The following CYB561D2 variants were observed in gnomAD, a reference collection of about 807,000 sequenced individuals.
CYB561D2 encodes transmembrane reductase CYB561D2.
Under a neutral mutation model 20.2 loss-of-function variants are expected in CYB561D2, and 16 were observed. The observed-to-expected ratio is 0.79, with a 90% CI of 0.53 to 1.20. The LOEUF is 1.20. Ranked by LOEUF, CYB561D2 falls within the 50% of genes most tolerant of loss-of-function variation. CYB561D2 has a pLI of 0.00. For synonymous variants in CYB561D2, 135 were observed against 128.3 expected, an observed-to-expected ratio of 1.05 and a Z score of -0.35; for missense variants, 247 against 270.3, an observed-to-expected ratio of 0.91 and a Z score of 0.60.
intron 3 of CYB561D2, among the ~76,000 whole-genome samples, chr3:50,353,002 G>A (rs756936059): frequency 2.0e-5 from 3 of 152,152 alleles, no homozygotes; most frequent in South Asian, 2.1e-4. Context: ...GGTAACATAC[G>A]ACAGATGACA....
chr3:50,351,983 C>T, intron 2 of CYB561D2, 26 bp from the exon 3 acceptor site: 1 of 1,613,798 alleles, frequency 6.2e-7, no homozygotes, highest in Non-Finnish European at 8.5e-7. Flanking sequence ...GCCTCAGCCC[C>T]ATGAGGCCTC....
At chr3:50,351,715 A>G (rs940598264) in intron 2 of CYB561D2, among the ~76,000 whole-genome samples, 155 bp downstream of exon 2, 2 of 152,228 alleles carry the variant, frequency 1.3e-5, no homozygotes, top group Admixed American at 1.3e-4. Context: ...GCCAGGGCAC[A>G]CAGAATTCCT....
At position 50,353,872 on chromosome 3, in the gene CYB561D2, C is replaced by T; in HGVS notation, c.*128C>T. On this transcript the variant is annotated 3_prime_UTR_variant, in exon 4 of 4. Coordinates refer to ENST00000425346, the MANE Select transcript of CYB561D2 (RefSeq NM_001291284.2). ...ACTGGGACAGTTGGGCATTTGGAGG[C>T]CCGTGTGTGAATTCCTGCTCCTCAT... 1.8e-6 allele frequency: 2 copies of T among 1,122,066 alleles called. No individual in the cohort carries two copies. Among genetic ancestry groups the T allele is most frequent in the Non-Finnish European group, 1.3e-6 (1 of 799,580 alleles). 69.5% of individuals were successfully genotyped at this position (1,122,066 alleles called of 1,614,324 possible).
intron 2 of CYB561D2, 47 bp downstream of exon 2, chr3:50,351,607 T>C: frequency 6.3e-7 from 1 of 1,587,446 alleles, no homozygotes; most frequent in Non-Finnish European, 8.6e-7. Context: ...GGGCCACTGT[T>C]CCTGGGGAGG....
chr3:50,351,615 A>C, intron 2 of CYB561D2, 55 bp downstream of exon 2: 1 of 1,579,552 alleles, frequency 6.3e-7, no homozygotes, highest in Non-Finnish European at 8.6e-7. Flanking sequence ...GTTCCTGGGG[A>C]GGAAGGGCAG....
chr3:50,353,131 A>T, intron 3 of CYB561D2, 110 bp from the exon 4 acceptor site: 1 of 1,444,408 alleles, frequency 6.9e-7, no homozygotes, highest in African/African-American at 1.4e-5. Flanking sequence ...GGAGAGAAAG[A>T]AAAAGGGGAA....
intron 1 of CYB561D2, 170 bp from the exon 2 acceptor site, chr3:50,351,239 C>T: frequency 4.2e-6 from 3 of 712,318 alleles, no homozygotes; most frequent in Non-Finnish European, 4.4e-6. Context: ...GTTGACAGGC[C>T]GCCGGCCGTC....
intron 3 of CYB561D2, 26 bp downstream of exon 3, chr3:50,352,072 TA>T: frequency 6.2e-7 from 1 of 1,613,446 alleles, no homozygotes; most frequent in East Asian, 2.2e-5. Context: ...GGGCAGTTCT[TA>T]GGGGTGGGAG....
Position 50,350,974 on chromosome 3 carries a change from G to A in CYB561D2, c.-36G>A. The A allele has an allele frequency of 8.4e-7, 1 of 1,192,798 alleles. No homozygotes were observed. The highest frequency in any genetic ancestry group is 2.0e-5 in the South Asian group (1 of 50,408). The allele number at this position is 1,192,798 out of a possible 1,614,324, so 73.9% of individuals were successfully genotyped here. On this transcript the variant is annotated 5_prime_UTR_variant, in exon 1 of 4. Coordinates refer to ENST00000425346, the MANE Select transcript of CYB561D2 (RefSeq NM_001291284.2). The surrounding 1 kb of genome is among the most constrained non-coding windows in gnomAD (Gnocchi z 5.7). ...AACCACCGCATCAGATCTGCGCTGCGGCAGAGGCAGGCAAGTCCCTAGCGT... is the reference window on the plus strand; with the variant it reads ...AACCACCGCATCAGATCTGCGCTGCAGCAGAGGCAGGCAAGTCCCTAGCGT...
At position 50,353,340 on chromosome 3, in the gene CYB561D2, C is replaced by T. The variant is rs368446536; in HGVS notation, c.265C>T (p.Leu89=). The change falls in exon 4 of 4, where the codon CTG becomes TTG. Residue 89 remains leucine, a synonymous_variant. Coordinates refer to ENST00000425346, the MANE Select transcript of CYB561D2 (RefSeq NM_001291284.2). ...AGGCCGAGCACGCTGCCACTGGGTG[C>T]TGCAGCTGCTGGCCCTGCTGTGTGC... The part of the protein sequence containing the change: ...RKGRARCHWV[L]QLLALLCALL... 6.8e-6 allele frequency: 11 copies of T among 1,612,886 alleles called. No individual in the cohort carries two copies. In the African/African-American group the frequency reaches 8.0e-5, roughly 12 times the overall value.
In CYB561D2 at chr3:50,353,230, T is replaced by A. The variant is rs368699839; in HGVS notation, c.166-11T>A. 6.5e-7 allele frequency: 1 copy of A among 1,536,454 alleles called. No homozygotes were observed. The highest frequency in any genetic ancestry group is 1.2e-5 in the South Asian group (1 of 81,378). On this transcript the variant is annotated splice_polypyrimidine_tract_variant and intron_variant, in intron 3 of 3. Transcript: ENST00000425346. ...ACCCTCACTTGAGCTTCCCATCCCC[T>A]GTTTCCTCAGTTCTCCTTCCTGATG...
In CYB561D2 at chr3:50,351,644, G is replaced by A. The variant is rs587745258; in HGVS notation, c.127+84G>A. The A allele has an allele frequency of 4.6e-6, 7 of 1,538,182 alleles. No individual in the cohort carries two copies. The Admixed American group carries it at 1.3e-4, about 29-fold the overall frequency. On this transcript the variant is annotated intron_variant, in intron 2 of 3. Transcript: ENST00000425346. Reference sequence around the variant, plus strand: ...AGGGCAGTGGGACTTCCGGGAACAGGCCTGGCTGGTTGAGGGAATTCTGTG... The same window carrying A: ...AGGGCAGTGGGACTTCCGGGAACAGACCTGGCTGGTTGAGGGAATTCTGTG...
At position 50,350,952 on chromosome 3, in the gene CYB561D2, C is replaced by A. The variant is rs2233476; in HGVS notation, c.-58C>A. ...GTATCCCGCTTTCTTTGGAGGAAAC[C>A]ACCGCATCAGATCTGCGCTGCGGCA... On this transcript the variant is annotated 5_prime_UTR_variant, in exon 1 of 4. Transcript: ENST00000425346. This position sits in a 1 kb window ranked among gnomAD's most constrained non-coding sequence, Gnocchi z 5.7. 40,716 of 1,329,492 alleles carry A rather than the reference C, an allele frequency of 0.031. 7,123 individuals are homozygous for A. In the East Asian group the frequency reaches 0.54, roughly 17 times the overall value. 82.4% of individuals were successfully genotyped at this position (1,329,492 alleles called of 1,614,324 possible).
At chr3:50,352,935 G>A (rs1255031699) in intron 3 of CYB561D2, among the ~76,000 whole-genome samples, 1 of 152,128 alleles carries the variant, frequency 6.6e-6, no homozygotes, top group Non-Finnish European at 1.5e-5. Flanking sequence ...CCCACGTTAG[G>A]GAAACAAAGC....
chr3:50,353,118 T>G, intron 3 of CYB561D2, 123 bp from the exon 4 acceptor site: 1 of 1,378,964 alleles, frequency 7.3e-7, no homozygotes, highest in Admixed American at 2.3e-5. Context: ...GTCTTGTCAG[T>G]GGGGAGAGAA....
At position 50,352,684 on chromosome 3, in the gene CYB561D2, C is replaced by CAAAAA. The variant is rs59516380; in HGVS notation, c.166-538_166-534dup. ...CTGGGTGACAGAGAGAGACTATCTC[C>CAAAAA]AAAAAAAAAAAAAAAAAAAAAAAGA... On this transcript the variant is annotated intron_variant, in intron 3 of 3. Coordinates refer to ENST00000425346, the MANE Select transcript of CYB561D2 (RefSeq NM_001291284.2). Among the ~76,000 whole-genome samples the CAAAAA allele has an allele frequency of 4.2e-4, 19 of 45,690 alleles. 1 individual carries two copies. In the East Asian group the frequency reaches 5.5e-3, roughly 13 times the overall value. The allele number at this position is 45,690 out of a possible 152,430, so 30.0% of individuals were successfully genotyped here.
At chr3:50,351,147 G>T in intron 1 of CYB561D2, 163 bp downstream of exon 1, 1 of 474,114 alleles carries the variant, frequency 2.1e-6, no homozygotes, top group Non-Finnish European at 3.6e-6. Context: ...GGTACACGCT[G>T]GGATTTGTAG....
Position 50,353,630 on chromosome 3 carries a change from C to T in CYB561D2, c.555C>T (p.Ala185=), listed in dbSNP as rs1703822580. The T allele has an allele frequency of 1.2e-6, 2 of 1,613,740 alleles. No individual in the cohort carries two copies. Among genetic ancestry groups the T allele is most frequent in the East Asian group, 2.2e-5 (1 of 44,888 alleles). The change falls in exon 4 of 4, where the codon GCC becomes GCT. Residue 185 remains alanine (A), a synonymous_variant. Coordinates refer to ENST00000425346, the MANE Select transcript of CYB561D2 (RefSeq NM_001291284.2). ...GCATGTGCTCACTCTGGTTCACTGC[C>T]TCTGTCACTGGTGCAGCCTGGTACC... ...LLGMCSLWFT[A]SVTGAAWYLA...
At position 50,352,025 on chromosome 3, in the gene CYB561D2, C is replaced by T. The variant is rs1163615304; in HGVS notation, c.144C>T (p.His48=). 12 of 1,613,980 alleles carry T rather than the reference C, an allele frequency of 7.4e-6. No individual in the cohort carries two copies. Among genetic ancestry groups the T allele is most frequent in the Non-Finnish European group, 1.0e-5 (12 of 1,179,960 alleles). ...ARPGSSLFSW[H]PVLMSLAFSF... ...TCATTCCAGGCCTGTTCTCCTGGCA[C>T]CCGGTGCTTATGTCTTTGGCTGTAA... Residue 48 remains histidine (H), a synonymous_variant, in exon 3 of 4, where the codon CAC becomes CAT. Coordinates refer to ENST00000425346, the MANE Select transcript of CYB561D2 (RefSeq NM_001291284.2).
Sources: gnomAD v4.1 joint callset for allele counts (sites outside exome capture counted in the v4.1 genomes callset) on GRCh38, gnomAD v4.1.1 for gene constraint, Gnocchi (gnomAD v3.1) non-coding constraint, MANE v1.5 for transcripts, NCBI Gene and HGNC (gene_info 2026-07-23, HGNC 2026-07-21) for gene names.